LPA: variants seen among roughly 807,000 people sequenced by gnomAD.
LPA encodes the protein apolipoprotein(a).
In LPA, 199 loss-of-function variants were observed where a neutral mutation model predicts 197.9. The ratio of observed to expected loss-of-function variants is 1.01; its 90% confidence interval spans 0.90 to 1.13. LPA has a LOEUF of 1.13. Ranked by LOEUF, LPA falls within the 50% of genes most tolerant of loss-of-function variation. The pLI is 0.00. For synonymous variants in LPA, 715 were observed against 639.5 expected (o/e 1.12, Z -1.78); for missense variants, 1,853 against 1,785.8 (o/e 1.04, Z -0.68).
At chr6:160,606,373 C>T in intron 17 of LPA, 104 bp downstream of exon 17, 4 of 1,497,504 alleles carry the variant, frequency 2.7e-6, no homozygotes, top group Non-Finnish European at 3.7e-6. Context: ...TCAGTCAACA[C>T]TCGAGCATCC....
chr6:160,600,196 G>A (rs895254911), intron 19 of LPA, among the ~76,000 whole-genome samples: 1 of 152,206 alleles, frequency 6.6e-6, no homozygotes, highest in African/African-American at 2.4e-5. Context: ...ACTTCTCAGG[G>A]ATGAGTGGAG....
chr6:160,590,980 T>C lies in LPA; in HGVS notation c.3751A>G (p.Ser1251Gly). The change falls in exon 23 of 39, where the codon AGT becomes GGT. Residue 1251 changes from serine (S) to glycine (G), a missense_variant. Transcript: ENST00000316300. Reference sequence around the variant, plus strand: ...ACAGCCGTGGACGTCGCAAGGACACTTGATTCTGTCACTGGACATTGTGTC... The same window carrying C: ...ACAGCCGTGGACGTCGCAAGGACACCTGATTCTGTCACTGGACATTGTGTC... ...NLTQCPVTESSVLATSTAVSE... is the reference protein window; with the variant it reads ...NLTQCPVTESGVLATSTAVSE... 1.2e-6 allele frequency: 2 copies of C among 1,614,006 alleles called. No homozygotes were observed. Among genetic ancestry groups the C allele is most frequent in the Non-Finnish European group, 1.7e-6 (2 of 1,179,910 alleles).
Position 160,542,936 on chromosome 6 carries a change from AAC to A in LPA, c.5399-130_5399-129del, listed in dbSNP as rs142603895. On this transcript the variant is annotated intron_variant, in intron 33 of 38. Transcript: ENST00000316300. ...GGTGAAATTAAATGGTAAAATCATA[AAC>A]ACTCTTTAGATTTTTCTTTCTAAGT... is the stretch of plus-strand genomic sequence containing the variant. 8,382 of 1,293,920 alleles carry A rather than the reference AAC, an allele frequency of 6.5e-3. 358 individuals carry two copies. The African/African-American group carries it at 0.1, about 16-fold the overall frequency. 80.2% of individuals were successfully genotyped at this position (1,293,920 alleles called of 1,614,324 possible).
At position 160,531,558 on chromosome 6, in the gene LPA, C is replaced by T; in HGVS notation, c.*171G>A. 1.3e-6 allele frequency: 1 copy of T among 756,600 alleles called. No individual in the cohort carries two copies. The allele number at this position is 756,600 out of a possible 1,614,324, so 46.9% of individuals were successfully genotyped here. A position where few individuals can be genotyped will look rare whatever the true frequency, so the allele number is the denominator to read the frequency against. ...ACACCTTAATACAGAATTTGTCAGTCAGACCTTAAAAGCTTATACACAAAA... is the reference window on the plus strand; with the variant it reads ...ACACCTTAATACAGAATTTGTCAGTTAGACCTTAAAAGCTTATACACAAAA... On this transcript the variant is annotated 3_prime_UTR_variant, in exon 39 of 39. Transcript: ENST00000316300.
In LPA at chr6:160,577,294, T is replaced by A; in HGVS notation, c.4473A>T (p.Ala1491=). The change falls in exon 28 of 39, where the codon GCA becomes GCT. Residue 1491 remains alanine, a splice_region_variant and synonymous_variant. Transcript: ENST00000316300. ...GGACCACAGGGCTTTTCTCAGGTGG[T>A]GCTGAAATTAAAATAAAATAAATCA... ...VPSTEAPSEQ[A]PPEKSPVVQD... is the part of the protein sequence containing the mutation. 1.9e-6 allele frequency: 3 copies of A among 1,613,496 alleles called. No homozygotes were observed. Among genetic ancestry groups the A allele is most frequent in the Non-Finnish European group, 1.7e-6 (2 of 1,179,586 alleles).
chr6:160,576,492 TTATA>T (rs1415382229), intron 28 of LPA, among the ~76,000 whole-genome samples: 1 of 141,968 alleles, frequency 7.0e-6, no homozygotes, highest in Non-Finnish European at 1.5e-5. Context: ...ACCTGAATAT[TTATA>T]TATAAATATT....
chr6:160,632,111 T>A (rs1169490816), intron 8 of LPA, among the ~76,000 whole-genome samples: 1 of 131,186 alleles, frequency 7.6e-6, no homozygotes, highest in African/African-American at 3.2e-5. Flanking sequence ...ATACAGTAAT[T>A]TTTTTCAATT....
intron 21 of LPA, among the ~76,000 whole-genome samples, chr6:160,594,376 C>T (rs1439060837): frequency 6.6e-6 from 1 of 152,208 alleles, no homozygotes; most frequent in Non-Finnish European, 1.5e-5. Context: ...CAAAATTGCA[C>T]TCATGTGCAT....
chr6:160,646,204 GACT>G lies in LPA; in HGVS notation c.391+7_391+9del, dbSNP rs1270761661. The G allele has an allele frequency of 4.9e-4, 3 of 6,170 alleles. No homozygotes were observed. Among genetic ancestry groups the G allele is most frequent in the South Asian group, 3.0e-3 (3 of 1,010 alleles). 0.4% of individuals were successfully genotyped at this position (6,170 alleles called of 1,614,324 possible). The stretch of plus-strand genomic sequence containing the variant: ...CGAAGCGTGTAGATGTCTGGCCACA[GACT>G]CCTTACCTTGTTCGGAAGGAGCCTC... On this transcript the variant is annotated splice_region_variant and intron_variant, in intron 3 of 38. Coordinates refer to ENST00000316300, the MANE Select transcript of LPA (RefSeq NM_005577.4).
chr6:160,658,616 T>C (rs1780169978), intron 1 of LPA, among the ~76,000 whole-genome samples: 1 of 152,204 alleles, frequency 6.6e-6, no homozygotes, highest in East Asian at 1.9e-4. Flanking sequence ...CTCTCATAAG[T>C]GATGAATCAG....
chr6:160,582,073 T>G (rs551991175), intron 26 of LPA, among the ~76,000 whole-genome samples: 1 of 152,116 alleles, frequency 6.6e-6, no homozygotes, highest in Non-Finnish European at 1.5e-5. Flanking sequence ...ATTTGTTCTT[T>G]GTTTTTAGGA....
At chr6:160,603,837 C>T (rs1422160676) in intron 18 of LPA, among the ~76,000 whole-genome samples, 1 of 152,070 alleles carries the variant, frequency 6.6e-6, no homozygotes, top group Non-Finnish European at 1.5e-5. Context: ...CTAGAGCTGC[C>T]TTTTTTTCTA....
chr6:160,609,842 G>T (rs1243007814), intron 16 of LPA, among the ~76,000 whole-genome samples: 1 of 151,924 alleles, frequency 6.6e-6, no homozygotes, highest in Non-Finnish European at 1.5e-5. Context: ...GAATGTGTGT[G>T]TGTGTGGCTC....
intron 22 of LPA, among the ~76,000 whole-genome samples, chr6:160,591,929 GA>G (rs1212091593): frequency 2.0e-5 from 3 of 152,066 alleles, no homozygotes; most frequent in Admixed American, 2.0e-4. Context: ...TTGTTCATAG[GA>G]ACCCCCTTTT....
intron 6 of LPA, among the ~76,000 whole-genome samples, chr6:160,637,543 TTGTGTG>T (rs63614560): frequency 0.013 from 224 of 17,612 alleles, 1 homozygote; most frequent in African/African-American, 0.1. Flanking sequence ...TGTTTTCAGT[TTGTGTG>T]TGTGTGTGTG....
chr6:160,553,055 T>C (rs1349125627), intron 30 of LPA, among the ~76,000 whole-genome samples: 1 of 152,208 alleles, frequency 6.6e-6, no homozygotes, highest in Admixed American at 6.5e-5. Flanking sequence ...TAATATTATA[T>C]AACTTCATGG....
rs563745991 is a variant in LPA, at chr6:160,598,520, C to T, written c.3287+980G>A. ...TCTCCCTCTTGCAATACTCTTGGTC[C>T]TCTAGCATCTGTTGTTCAACATGTG... On this transcript the variant is annotated intron_variant, in intron 20 of 38. Coordinates refer to ENST00000316300, the MANE Select transcript of LPA (RefSeq NM_005577.4). 6.6e-5 allele frequency among the ~76,000 whole-genome samples: 10 copies of T among 152,282 alleles called. No homozygotes were observed. In the South Asian group the frequency reaches 2.1e-3, roughly 32 times the overall value.
In LPA at chr6:160,586,469, GTGCT is replaced by G. The variant is rs1395473113; in HGVS notation, c.4105_4108del (p.Ser1369GlnfsTer46). Reference sequence around the variant, plus strand: ...CTTACCTTCTTCAGAAGGAAGCTCTGTGCTTGGAACTGGGACCACCGTGGGAGTT... The same window carrying G: ...CTTACCTTCTTCAGAAGGAAGCTCTGTGGAACTGGGACCACCGTGGGAGTT... On this transcript the variant is annotated frameshift_variant, in exon 25 of 39. Transcript: ENST00000316300. LOFTEE classifies it high-confidence loss of function. 1 of 1,613,618 alleles carries G rather than the reference GTGCT, an allele frequency of 6.2e-7. No homozygotes were observed. Among genetic ancestry groups the G allele is most frequent in the Non-Finnish European group, 8.5e-7 (1 of 1,179,644 alleles).
At chr6:160,657,231 C>G (rs942413324) in intron 1 of LPA, among the ~76,000 whole-genome samples, 1 of 152,106 alleles carries the variant, frequency 6.6e-6, no homozygotes, top group East Asian at 1.9e-4. Context: ...TCTGGACCCT[C>G]CCAGCTGGGA....
Sources: gnomAD v4.1 joint callset for allele counts (sites outside exome capture counted in the v4.1 genomes callset) on GRCh38, gnomAD v4.1.1 for gene constraint, MANE v1.5 for transcripts, NCBI Gene and HGNC (gene_info 2026-07-23, HGNC 2026-07-21) for gene names.